The following IL23A variants were observed in gnomAD, a reference collection of about 807,000 sequenced individuals.
IL23A encodes interleukin 23 subunit alpha, also known as interleukin-23 subunit alpha.
In IL23A, 16 loss-of-function variants were observed where a neutral mutation model predicts 20.7. That is an observed-to-expected ratio of 0.77 (90% CI 0.52 to 1.17). The LOEUF (loss-of-function observed/expected upper bound fraction) is 1.17, where lower values mean the gene tolerates loss of function less well. IL23A is among the 50% of genes most tolerant of loss of function. IL23A has a pLI of 0.00. For synonymous variants in IL23A, 80 were observed against 88.7 expected (o/e 0.90, Z 0.55); for missense variants, 175 against 229.5 (o/e 0.76, Z 1.53).
chr12:56,339,683 C>A lies in IL23A; in HGVS notation c.262-8C>A. 6.2e-7 allele frequency: 1 copy of A among 1,611,690 alleles called. No homozygotes were observed. The highest frequency in any genetic ancestry group is 8.5e-7 in the Non-Finnish European group (1 of 1,178,890). On this transcript the variant is annotated splice_polypyrimidine_tract_variant and splice_region_variant and intron_variant, in intron 2 of 3. Coordinates refer to ENST00000228534, the MANE Select transcript of IL23A (RefSeq NM_016584.3). ...GTGTCCTCTTTCATTGCTTTCTTTTCTCCCTAGTTCTGCTTGCAAAGGATC... is the reference window on the plus strand; with the variant it reads ...GTGTCCTCTTTCATTGCTTTCTTTTATCCCTAGTTCTGCTTGCAAAGGATC...
chr12:56,339,867 C>A (rs1373414409), intron 3 of IL23A, 30 bp downstream of exon 3: 2 of 1,609,434 alleles, frequency 1.2e-6, no homozygotes, highest in Admixed American at 3.4e-5. Flanking sequence ...AGGATGGGGG[C>A]TTGCAGGTGT....
At position 56,339,683 on chromosome 12, in the gene IL23A, C is replaced by T. The variant is rs1876415265; in HGVS notation, c.262-8C>T. On this transcript the variant is annotated splice_polypyrimidine_tract_variant and splice_region_variant and intron_variant, in intron 2 of 3. Transcript: ENST00000228534. ...GTGTCCTCTTTCATTGCTTTCTTTTCTCCCTAGTTCTGCTTGCAAAGGATC... is the reference window on the plus strand; with the variant it reads ...GTGTCCTCTTTCATTGCTTTCTTTTTTCCCTAGTTCTGCTTGCAAAGGATC... The T allele has an allele frequency of 1.9e-6, 3 of 1,611,572 alleles. No individual in the cohort carries two copies. Among genetic ancestry groups the T allele is most frequent in the Admixed American group, 1.7e-5 (1 of 59,450 alleles).
rs1326835082 is a variant in IL23A, at chr12:56,339,793, G to C, written c.364G>C (p.Gly122Arg). ...TTCTCTGCTCCCTGATAGCCCTGTG[G>C]GCCAGCTTCATGCCTCCCTACTGGG... ...EPSLLPDSPV[G>R]QLHASLLGLS... Residue 122 changes from glycine (G) to arginine (R), a missense_variant, in exon 3 of 4, where the codon GGC (glycine) becomes CGC (arginine). Transcript: ENST00000228534. 6.2e-7 allele frequency: 1 copy of C among 1,613,916 alleles called. No individual in the cohort carries two copies. Among genetic ancestry groups the C allele is most frequent in the Admixed American group, 1.7e-5 (1 of 59,970 alleles).
intron 2 of IL23A, 49 bp downstream of exon 2, chr12:56,339,573 T>C (rs1876407146): frequency 6.3e-7 from 1 of 1,585,684 alleles, no homozygotes; most frequent in Admixed American, 1.7e-5. Flanking sequence ...ACTGAGAACA[T>C]GGCTGGGTAC....
chr12:56,339,505 G>C lies in IL23A; in HGVS notation c.242G>C (p.Gly81Ala). Residue 81 changes from glycine (G) to alanine (A), a missense_variant, in exon 2 of 4, where the codon GGA becomes GCA. Gly to Ala is a moderately conservative substitution (Grantham distance 60, BLOSUM62 0). Transcript: ENST00000228534. ...TGTGGAGATGGCTGTGACCCCCAAG[G>C]ACTCAGGGACAACAGTCAGGTACCA... ...IQCGDGCDPQ[G>A]LRDNSQFCLQ... 1 of 1,611,670 alleles carries C rather than the reference G, an allele frequency of 6.2e-7. No homozygotes were observed.
chr12:56,338,887 A>T lies in IL23A; in HGVS notation c.-158A>T. 1 of 470,466 alleles carries T rather than the reference A, an allele frequency of 2.1e-6. No individual in the cohort carries two copies. Among genetic ancestry groups the T allele is most frequent in the Non-Finnish European group, 3.5e-6 (1 of 288,810 alleles). The allele number at this position is 470,466 out of a possible 1,614,324, so 29.1% of individuals were successfully genotyped here. ...TCAGAGACAAAGGGAGAAAAACAAC[A>T]GGAAGCAGCTTACAAACTCGGTGAA... is the stretch of plus-strand genomic sequence containing the variant. On this transcript the variant is annotated 5_prime_UTR_variant, in exon 1 of 4. Transcript: ENST00000228534.
In IL23A at chr12:56,340,135, T is replaced by C. The variant is rs1000918194; in HGVS notation, c.*31T>C. The C allele has an allele frequency of 6.9e-6, 11 of 1,604,868 alleles. No homozygotes were observed. The highest frequency in any genetic ancestry group is 9.4e-6 in the Non-Finnish European group (11 of 1,174,404). On this transcript the variant is annotated 3_prime_UTR_variant, in exon 4 of 4. Coordinates refer to ENST00000228534, the MANE Select transcript of IL23A (RefSeq NM_016584.3). Reference sequence around the variant, plus strand: ...GCAGCTCAAGGATGGCACTCAGATCTCCATGGCCCAGCAAGGCCAAGATAA... The same window carrying C: ...GCAGCTCAAGGATGGCACTCAGATCCCCATGGCCCAGCAAGGCCAAGATAA...
intron 1 of IL23A, 62 bp from the exon 2 acceptor site, chr12:56,339,364 C>T: frequency 7.1e-7 from 1 of 1,407,150 alleles, no homozygotes; most frequent in Admixed American, 1.7e-5. Flanking sequence ...CCTGAGGGTC[C>T]AGGTTGGCTT....
intron 1 of IL23A, 61 bp downstream of exon 1, chr12:56,339,267 C>T: frequency 2.0e-6 from 3 of 1,516,148 alleles, no homozygotes; most frequent in Non-Finnish European, 2.7e-6. Context: ...TGGCAGAAGA[C>T]CGTGACCTTG....
rs1285821845 is a variant in IL23A, at chr12:56,340,021, T to A, written c.487T>A (p.Phe163Ile). ...GCCATGGCAGCGTCTCCTTCTCCGCTTCAAAATCCTTCGCAGCCTCCAGGC... is the reference window on the plus strand; with the variant it reads ...GCCATGGCAGCGTCTCCTTCTCCGCATCAAAATCCTTCGCAGCCTCCAGGC... ...SQPWQRLLLR[F>I]KILRSLQAFV... Residue 163 changes from phenylalanine to isoleucine, a missense_variant, in exon 4 of 4, where the codon TTC (phenylalanine) becomes ATC (isoleucine). Transcript: ENST00000228534. 1.2e-6 allele frequency: 2 copies of A among 1,614,192 alleles called. 1 individual carries two copies. The highest frequency in any genetic ancestry group is 2.2e-5 in the South Asian group (2 of 91,088).
rs375903516 is a variant in IL23A, at chr12:56,339,069, C to T, written c.25C>T (p.Leu9=). ...GATGCTGGGGAGCAGAGCTGTAATG[C>T]TGCTGTTGCTGCTGCCCTGGACAGC... MLGSRAVM[L]LLLLPWTAQG... is the part of the protein sequence containing the mutation. Residue 9 remains leucine, a synonymous_variant, in exon 1 of 4, where the codon CTG becomes TTG. Transcript: ENST00000228534. 7 of 1,440,366 alleles carry T rather than the reference C, an allele frequency of 4.9e-6. No individual in the cohort carries two copies. In the African/African-American group the frequency reaches 1.0e-4, roughly 20 times the overall value. The allele number at this position is 1,440,366 out of a possible 1,614,324, so 89.2% of individuals were successfully genotyped here. A position where few individuals can be genotyped will look rare whatever the true frequency, so the allele number is the denominator to read the frequency against.
intron 3 of IL23A, 22 bp from the exon 4 acceptor site, chr12:56,339,917 TCTGA>T (rs1029196290): frequency 5.6e-6 from 9 of 1,613,566 alleles, no homozygotes; most frequent in Admixed American, 1.7e-5. Context: ...TAGAGTCTTC[TCTGA>T]CTGTGTCCTA....
chr12:56,339,912 T>G, intron 3 of IL23A, 31 bp from the exon 4 acceptor site: 1 of 1,612,726 alleles, frequency 6.2e-7, no homozygotes, highest in Non-Finnish European at 8.5e-7. Flanking sequence ...GGGTTTAGAG[T>G]CTTCTCTGAC....
intron 3 of IL23A, 37 bp downstream of exon 3, chr12:56,339,874 G>A (rs1876428504): frequency 3.1e-6 from 5 of 1,609,712 alleles, no homozygotes; most frequent in East Asian, 2.2e-5. Flanking sequence ...GGGCTTGCAG[G>A]TGTCAGAGAC....
At position 56,339,705 on chromosome 12, in the gene IL23A, G is replaced by C. The variant is rs1443205618; in HGVS notation, c.276G>C (p.Arg92Ser). ...LRDNSQFCLQ[R>S]IHQGLIFYEK... ...TTTCTCCCTAGTTCTGCTTGCAAAG[G>C]ATCCACCAGGGTCTGATTTTTTATG... Residue 92 changes from arginine to serine, a missense_variant, in exon 3 of 4, where the codon AGG becomes AGC. Physicochemically the swap from Arg to Ser is moderately radical, Grantham distance 110. Transcript: ENST00000228534. 1 of 1,613,756 alleles carries C rather than the reference G, an allele frequency of 6.2e-7. No homozygotes were observed. The highest frequency in any genetic ancestry group is 1.3e-5 in the African/African-American group (1 of 74,872).
At chr12:56,339,398 A>T in intron 1 of IL23A, 28 bp from the exon 2 acceptor site, 1 of 1,544,780 alleles carries the variant, frequency 6.5e-7, no homozygotes, top group Non-Finnish European at 9.0e-7. Flanking sequence ...TTACTTCTTC[A>T]TTCTTTCCAC....
In IL23A at chr12:56,339,197, G is replaced by A; in HGVS notation, c.153G>A (p.Val51=). Residue 51 remains valine, a synonymous_variant, in exon 1 of 4, where the codon GTG becomes GTA. Transcript: ENST00000228534. The part of the protein sequence containing the change: ...CTLAWSAHPL[V]GHMDLREEGD... ...TGGCCTGGAGTGCACATCCACTAGT[G>A]GGACACATGGTGAGTGGCAGCCCCT... is the stretch of plus-strand genomic sequence containing the variant. 3 of 1,535,664 alleles carry A rather than the reference G, an allele frequency of 2.0e-6. No individual in the cohort carries two copies. Among genetic ancestry groups the A allele is most frequent in the East Asian group, 2.3e-5 (1 of 44,152 alleles).
At chr12:56,339,577 T>C (rs965839856) in intron 2 of IL23A, 53 bp downstream of exon 2, 81 of 1,584,010 alleles carry the variant, frequency 5.1e-5, no homozygotes, top group Non-Finnish European at 6.4e-5. Context: ...AGAACATGGC[T>C]GGGTACCATG....
chr12:56,339,224 G>T lies in IL23A; in HGVS notation c.162+18G>T. On this transcript the variant is annotated intron_variant, in intron 1 of 3. Coordinates refer to ENST00000228534, the MANE Select transcript of IL23A (RefSeq NM_016584.3). ...GACACATGGTGAGTGGCAGCCCCTG[G>T]AGCCTAACAGGAGTCCAGGCTCTCC... 6.5e-7 allele frequency: 1 copy of T among 1,531,530 alleles called. No individual in the cohort carries two copies. The highest frequency in any genetic ancestry group is 1.3e-5 in the South Asian group (1 of 77,812). 94.9% of individuals were successfully genotyped at this position (1,531,530 alleles called of 1,614,324 possible).
Sources: allele counts gnomAD v4.1 joint callset, GRCh38; gene constraint gnomAD v4.1.1; transcripts MANE v1.5; gene names NCBI Gene and HGNC (gene_info 2026-07-23, HGNC 2026-07-21).